The following SLIT3 variants were observed in gnomAD, a reference collection of about 807,000 sequenced individuals.
SLIT3 encodes the protein slit guidance ligand 3.
A neutral mutation model predicts 184.0 loss-of-function variants in SLIT3; 68 were observed. The observed-to-expected ratio is 0.37, with a 90% CI of 0.30 to 0.45. The LOEUF (loss-of-function observed/expected upper bound fraction) is 0.45, where lower values mean the gene tolerates loss of function less well. Among genes scored for constraint, SLIT3 ranks in the 20% least tolerant of loss-of-function variants. The pLI is 1.00. For synonymous variants in SLIT3, 831 were observed against 828.6 expected, an observed-to-expected ratio of 1.00 and a Z score of -0.05; for missense variants, 1,707 against 2,026.0, an observed-to-expected ratio of 0.84 and a Z score of 3.02.
At position 169,251,596 on chromosome 5, in the gene SLIT3, G is replaced by A. The variant is rs1342402694; in HGVS notation, c.198-137C>T. On this transcript the variant is annotated intron_variant, in intron 1 of 35. Coordinates refer to ENST00000519560, the MANE Select transcript of SLIT3 (RefSeq NM_003062.4). ...TGATGATTAACGATATCCCTTGAGC[G>A]TGCCCGGCTAACCTTAAGGATATTG... is the stretch of plus-strand genomic sequence containing the variant. The A allele has an allele frequency of 2.4e-5, 16 of 665,390 alleles. No individual in the cohort carries two copies. The East Asian group carries it at 3.1e-4, about 13-fold the overall frequency. The allele number at this position is 665,390 out of a possible 1,614,324, so 41.2% of individuals were successfully genotyped here.
chr5:169,069,363 G>C (rs1228640187), intron 4 of SLIT3, among the ~76,000 whole-genome samples: 1 of 152,186 alleles, frequency 6.6e-6, no homozygotes, highest in Non-Finnish European at 1.5e-5. Context: ...TGCCTTGGAG[G>C]GCCCTAGAAT....
At chr5:169,057,915 TAG>T (rs1758059832) in intron 4 of SLIT3, among the ~76,000 whole-genome samples, 3 of 152,320 alleles carry the variant, frequency 2.0e-5, no homozygotes, top group South Asian at 4.1e-4. Context: ...GGGGAAGGTG[TAG>T]AGTTTTCTCC....
At chr5:168,688,090 A>T (rs1019319418) in intron 29 of SLIT3, among the ~76,000 whole-genome samples, 3 of 152,180 alleles carry the variant, frequency 2.0e-5, no homozygotes, top group African/African-American at 7.2e-5. Context: ...CATTCAACCA[A>T]AATCCCAGCA....
chr5:168,747,958 G>A (rs1157241987), intron 20 of SLIT3, among the ~76,000 whole-genome samples: 2 of 152,168 alleles, frequency 1.3e-5, no homozygotes, highest in Non-Finnish European at 2.9e-5. Context: ...CTGCTGAGGA[G>A]TCTTAGGAAG....
At chr5:168,783,667 CT>C (rs1180157851) in intron 12 of SLIT3, among the ~76,000 whole-genome samples, 1 of 152,162 alleles carries the variant, frequency 6.6e-6, no homozygotes, top group Non-Finnish European at 1.5e-5. Flanking sequence ...TAATCAGAGC[CT>C]TCTTATCAGT....
intron 4 of SLIT3, chr5:168,993,201 CTG>C (rs1184493936): frequency 1.3e-5 from 2 of 152,272 alleles, no homozygotes; most frequent in Non-Finnish European, 2.9e-5. Flanking sequence ...TCCTAAGAGA[CTG>C]AGGAATCCCG....
intron 4 of SLIT3, among the ~76,000 whole-genome samples, chr5:168,947,486 C>G (rs1762517275): frequency 6.6e-6 from 1 of 152,104 alleles, no homozygotes; most frequent in Admixed American, 6.5e-5. Context: ...GGGACTGTGG[C>G]CCAAAAAGGA....
At chr5:169,289,489 G>A (rs1427432745) in intron 1 of SLIT3, among the ~76,000 whole-genome samples, 2 of 152,206 alleles carry the variant, frequency 1.3e-5, no homozygotes, top group African/African-American at 4.8e-5. Flanking sequence ...ATCATTTATA[G>A]AGTCCAGCCC....
At chr5:168,748,530 T>A in intron 19 of SLIT3, 96 bp from the exon 20 acceptor site, 1 of 1,196,550 alleles carries the variant, frequency 8.4e-7, no homozygotes, top group Non-Finnish European at 1.1e-6. Flanking sequence ...AAAGACAAGT[T>A]GTCCCCTGTC....
At chr5:168,719,544 C>A (rs11749992) in intron 23 of SLIT3, among the ~76,000 whole-genome samples, 34,284 of 152,176 alleles carry the variant, frequency 0.23, 4,310 homozygotes, top group East Asian at 0.56. Context: ...CACTTTCCCA[C>A]ATTGCTATCT....
intron 8 of SLIT3, 94 bp downstream of exon 8, chr5:168,817,206 C>A (rs1757360148): frequency 7.6e-6 from 9 of 1,184,810 alleles, no homozygotes. Context: ...AAGCTCTGGG[C>A]TAGGGTATGT....
intron 4 of SLIT3, among the ~76,000 whole-genome samples, chr5:168,948,185 G>A (rs562368633): frequency 6.4e-4 from 97 of 152,260 alleles, no homozygotes; most frequent in African/African-American, 1.5e-3. Context: ...CGGACCTGAC[G>A]CGCCACCCCA....
At chr5:168,773,075 C>A (rs138176011) in intron 13 of SLIT3, 131 bp from the exon 14 acceptor site, 5 of 913,804 alleles carry the variant, frequency 5.5e-6, no homozygotes, top group Non-Finnish European at 6.4e-6. Flanking sequence ...CCCCAGGAAG[C>A]CTTAGGGGGT....
chr5:169,053,717 CCT>C (rs1014938224), intron 4 of SLIT3, among the ~76,000 whole-genome samples: 3 of 151,466 alleles, frequency 2.0e-5, no homozygotes, highest in African/African-American at 7.3e-5. Context: ...TCATTCACTC[CCT>C]GTTACAGGTG....
chr5:168,837,169 T>C (rs1418664098), intron 6 of SLIT3, among the ~76,000 whole-genome samples: 2 of 152,138 alleles, frequency 1.3e-5, no homozygotes, highest in African/African-American at 4.8e-5. Flanking sequence ...ATGCTTTCTA[T>C]AGAGTGCAAT....
At chr5:169,057,636 G>A (rs1029178551) in intron 4 of SLIT3, among the ~76,000 whole-genome samples, 3 of 152,170 alleles carry the variant, frequency 2.0e-5, no homozygotes, top group Admixed American at 1.3e-4. Context: ...GTCTGGACAC[G>A]GCACTGGCCG....
intron 9 of SLIT3, among the ~76,000 whole-genome samples, chr5:168,806,100 G>A (rs915896313): frequency 1.3e-5 from 2 of 152,228 alleles, no homozygotes; most frequent in Non-Finnish European, 2.9e-5. Context: ...GGCCTTGTGG[G>A]CCATGCAGTC....
intron 4 of SLIT3, among the ~76,000 whole-genome samples, chr5:169,115,187 C>A (rs1227901612): frequency 6.6e-6 from 1 of 152,164 alleles, no homozygotes; most frequent in Non-Finnish European, 1.5e-5. Flanking sequence ...TTTCTCATCT[C>A]TGGTCTAGAC....
intron 4 of SLIT3, among the ~76,000 whole-genome samples, chr5:169,143,627 C>T (rs377267882): frequency 7.2e-5 from 11 of 152,144 alleles, no homozygotes; most frequent in Non-Finnish European, 1.0e-4. Flanking sequence ...GGCGAAAACC[C>T]GTCTCTACTA....
Sources: allele counts gnomAD v4.1 joint callset (sites outside exome capture counted in the v4.1 genomes callset), GRCh38; gene constraint gnomAD v4.1.1; transcripts MANE v1.5; gene names NCBI Gene and HGNC (gene_info 2026-07-23, HGNC 2026-07-21).